The following GVQW3 variants were observed in gnomAD, a reference collection of about 807,000 sequenced individuals.
GVQW3 encodes the protein protein GVQW3.
In GVQW3, 7 loss-of-function variants were observed where a neutral mutation model predicts 12.5. That is an observed-to-expected ratio of 0.56 (90% confidence interval 0.32 to 1.05). GVQW3 has a LOEUF of 1.05. Among genes scored for constraint, GVQW3 ranks in the 50% least tolerant of loss-of-function variants. The pLI, the probability that GVQW3 is intolerant of heterozygous loss-of-function variation, is 0.04. For missense variants in GVQW3, 188 were observed against 190.8 expected (o/e 0.99, Z 0.09); for synonymous variants, 71 against 67.2 (o/e 1.06, Z -0.28).
intron 1 of GVQW3, among the ~76,000 whole-genome samples, chr11:76,401,325 C>T (rs749088376): frequency 2.0e-5 from 3 of 151,808 alleles, no homozygotes; most frequent in Non-Finnish European, 4.4e-5. Context: ...TTGTTACTTT[C>T]TGAGAGTATT....
At chr11:76,399,696 A>C (rs1018453536) in intron 1 of GVQW3, among the ~76,000 whole-genome samples, 2 of 152,196 alleles carry the variant, frequency 1.3e-5, no homozygotes, top group African/African-American at 4.8e-5. Context: ...TGGAACAAAA[A>C]GGCTGACTCT....
chr11:76,381,634 C>A lies in GVQW3; in HGVS notation c.-195C>A. On this transcript the variant is annotated 5_prime_UTR_variant, in exon 1 of 2. Transcript: ENST00000529331. The stretch of plus-strand genomic sequence containing the variant: ...AGCTTTGCAGCGACTGTTGGCTTCC[C>A]AGAACGGATCTCCCCAGCCTCGACT... 1 of 541,250 alleles carries A rather than the reference C, an allele frequency of 1.8e-6. No individual in the cohort carries two copies. The highest frequency in any genetic ancestry group is 3.2e-6 in the Non-Finnish European group (1 of 313,114). The allele number at this position is 541,250 out of a possible 1,614,324, so 33.5% of individuals were successfully genotyped here.
chr11:76,412,137 C>T (rs933550644), downstream of GVQW3: 1 of 152,214 alleles, frequency 6.6e-6, no homozygotes, highest in African/African-American at 2.4e-5. Context: ...GCACCTACCA[C>T]ATGCCAGACA....
In GVQW3 at chr11:76,382,161, C is replaced by A; in HGVS notation, c.333C>A (p.Asn111Lys). ...CTGTTAGGCTCATTTTGAAAGAAAA[C>A]TTGAACATGAGGAAGATTTCTGCAA... is the stretch of plus-strand genomic sequence containing the variant. Reference protein sequence around the residue: ...KETVRLILKENLNMRKISAKV... With the variant: ...KETVRLILKEKLNMRKISAKV... Residue 111 changes from asparagine to lysine, a missense_variant, in exon 1 of 2, where the codon AAC (asparagine) becomes AAA (lysine). Transcript: ENST00000529331. 6.5e-7 allele frequency: 1 copy of A among 1,536,222 alleles called. No individual in the cohort carries two copies. Among genetic ancestry groups the A allele is most frequent in the Admixed American group, 2.0e-5 (1 of 51,000 alleles).
At chr11:76,400,766 C>T (rs576428570) in intron 1 of GVQW3, among the ~76,000 whole-genome samples, 1 of 152,098 alleles carries the variant, frequency 6.6e-6, no homozygotes, top group Admixed American at 6.6e-5. Flanking sequence ...CTGTTTGGCT[C>T]TCTCTTTTTA....
At position 76,382,279 on chromosome 11, in the gene GVQW3, T is replaced by A. The variant is rs891511498; in HGVS notation, c.451T>A (p.Cys151Ser). The A allele has an allele frequency of 3.3e-6, 5 of 1,523,474 alleles. No individual in the cohort carries two copies. The African/African-American group carries it at 5.5e-5, about 17-fold the overall frequency. The allele number at this position is 1,523,474 out of a possible 1,614,324, so 94.4% of individuals were successfully genotyped here. The change falls in exon 1 of 2, where the codon TGT becomes AGT. Residue 151 changes from cysteine to serine, a missense_variant. Coordinates refer to ENST00000529331, the MANE Select transcript of GVQW3 (RefSeq NM_001347885.2). ...AAAGGAAACTAGGAAAAATAGCTCA[T>A]GTTTGAGGAAAAAGGTAACAGGTTC... ...LSKETRKNSS[C>S]LRKKRRNLTM...
At position 76,404,465 on chromosome 11, in the gene GVQW3, C is replaced by T. The variant is rs889128997; in HGVS notation, c.*707C>T. The T allele has an allele frequency of 6.5e-6, 1 of 153,176 alleles. No homozygotes were observed. The highest frequency in any genetic ancestry group is 2.4e-5 in the African/African-American group (1 of 41,506). 9.5% of individuals were successfully genotyped at this position (153,176 alleles called of 1,614,324 possible). On this transcript the variant is annotated 3_prime_UTR_variant, in exon 2 of 2. Transcript: ENST00000529331. The stretch of plus-strand genomic sequence containing the variant: ...GACAATTTTTGCTGGAGCAAATATT[C>T]TGAAAAAGATTCCTCCTGTTTCCTA...
At chr11:76,389,508 G>A (rs1288478536) in intron 1 of GVQW3, 2 of 152,164 alleles carry the variant, frequency 1.3e-5, no homozygotes, top group African/African-American at 2.4e-5. Flanking sequence ...GGAGGAGAAG[G>A]GACCGTGTGA....
chr11:76,384,158 A>G (rs1946807478), intron 1 of GVQW3, among the ~76,000 whole-genome samples: 1 of 152,240 alleles, frequency 6.6e-6, no homozygotes, highest in Non-Finnish European at 1.5e-5. Flanking sequence ...AGAATTGGCC[A>G]GTCTTTGTTT....
chr11:76,381,589 T>C lies in GVQW3; in HGVS notation c.-240T>C. On this transcript the variant is annotated 5_prime_UTR_variant, in exon 1 of 2. It removes the in-frame stop codon of an upstream open reading frame in the 5' UTR. Transcript: ENST00000529331. ...CACTGGTTTGATGCAGACGTGGTTG[T>C]AGGCGATTTAATTTTTCCCAGCTTT... is the stretch of plus-strand genomic sequence containing the variant. The C allele has an allele frequency of 2.2e-6, 1 of 461,756 alleles. No individual in the cohort carries two copies. Among genetic ancestry groups the C allele is most frequent in the South Asian group, 3.5e-5 (1 of 28,638 alleles). 28.6% of individuals were successfully genotyped at this position (461,756 alleles called of 1,614,324 possible).
chr11:76,394,740 A>G (rs1946924467), intron 1 of GVQW3, among the ~76,000 whole-genome samples: 2 of 152,016 alleles, frequency 1.3e-5, no homozygotes, highest in African/African-American at 2.4e-5. Flanking sequence ...TGGTAGCTCT[A>G]TTTTTCATTT....
chr11:76,394,931 G>C (rs187633243), intron 1 of GVQW3: 1 of 152,264 alleles, frequency 6.6e-6, no homozygotes, highest in African/African-American at 2.4e-5. Context: ...ACATTCTGAT[G>C]TCAAGAAAAC....
chr11:76,381,703 C>T lies in GVQW3; in HGVS notation c.-126C>T. 1 of 890,930 alleles carries T rather than the reference C, an allele frequency of 1.1e-6. No homozygotes were observed. The highest frequency in any genetic ancestry group is 1.6e-6 in the Non-Finnish European group (1 of 614,308). 55.2% of individuals were successfully genotyped at this position (890,930 alleles called of 1,614,324 possible). A position where few individuals can be genotyped will look rare whatever the true frequency, so the allele number is the denominator to read the frequency against. ...ATTCATAAAAGCAATTACTCTTTCC[C>T]GGCGAGGCTTCTAGAAGAGCAAGAA... is the stretch of plus-strand genomic sequence containing the variant. On this transcript the variant is annotated 5_prime_UTR_variant, in exon 1 of 2. Transcript: ENST00000529331.
intron 1 of GVQW3, among the ~76,000 whole-genome samples, chr11:76,391,087 G>A (rs778682809): frequency 3.9e-5 from 6 of 152,218 alleles, no homozygotes; most frequent in Non-Finnish European, 5.9e-5. Flanking sequence ...ACAACGTGGT[G>A]GTAGTCGGCA....
intron 1 of GVQW3, among the ~76,000 whole-genome samples, chr11:76,399,545 CAT>C (rs1248298049): frequency 1.3e-4 from 20 of 152,286 alleles, no homozygotes; most frequent in Admixed American, 5.2e-4. Context: ...GGGGTGCCCA[CAT>C]GTTTGGTCAC....
At chr11:76,398,182 C>T (rs1946957117) in intron 1 of GVQW3, among the ~76,000 whole-genome samples, 1 of 151,810 alleles carries the variant, frequency 6.6e-6, no homozygotes, top group Admixed American at 6.6e-5. Flanking sequence ...GTGTAACAAC[C>T]AATTCTCAAA....
intron 1 of GVQW3, among the ~76,000 whole-genome samples, chr11:76,384,771 T>C (rs1946815745): frequency 6.6e-6 from 1 of 152,170 alleles, no homozygotes; most frequent in Admixed American, 6.5e-5. Context: ...GACAATGAAG[T>C]CTTCCTACAT....
chr11:76,410,436 T>TG (rs1162539200), downstream of GVQW3, among the ~76,000 whole-genome samples: 1 of 150,970 alleles, frequency 6.6e-6, no homozygotes, highest in Non-Finnish European at 1.5e-5. Flanking sequence ...TCTGTTTTGT[T>TG]TTTTTTTTTA....
At chr11:76,393,636 C>CT (rs1946913435) in intron 1 of GVQW3, among the ~76,000 whole-genome samples, 1 of 152,092 alleles carries the variant, frequency 6.6e-6, no homozygotes, top group South Asian at 2.1e-4. Context: ...CATTGCTGTT[C>CT]TCCCCCACCA....
Sources: allele counts gnomAD v4.1 joint callset (sites outside exome capture counted in the v4.1 genomes callset), GRCh38; gene constraint gnomAD v4.1.1; transcripts MANE v1.5; gene names NCBI Gene and HGNC (gene_info 2026-07-23, HGNC 2026-07-21).